The following PDE4D variants were observed in gnomAD, a reference collection of about 807,000 sequenced individuals.
PDE4D encodes 3',5'-cyclic-AMP phosphodiesterase 4D.
PDE4D carries 24 observed loss-of-function variants against 87.4 expected under a neutral mutation model. That is an observed-to-expected ratio of 0.27 (90% CI 0.20 to 0.39). The LOEUF (loss-of-function observed/expected upper bound fraction) is 0.39, where lower values mean the gene tolerates loss of function less well. Ranked by LOEUF, PDE4D falls within the 10% of genes least tolerant of loss-of-function variation. The pLI, the probability that PDE4D is intolerant of heterozygous loss-of-function variation, is 1.00. For missense variants in PDE4D, 714 were observed against 1,041.0 expected (o/e 0.69, Z 4.32); for synonymous variants, 384 against 383.2 (o/e 1.00, Z -0.02).
At chr5:59,401,853 C>T (rs1471054894) in intron 1 of PDE4D, among the ~76,000 whole-genome samples, 1 of 152,170 alleles carries the variant, frequency 6.6e-6, no homozygotes, top group African/African-American at 2.4e-5. Context: ...TTCTGACACA[C>T]CTGTCTTTCA....
In PDE4D at chr5:59,075,075, A is replaced by AACACACAC. The variant is rs70973189; in HGVS notation, c.809-36112_809-36105dup. 3.3e-3 allele frequency among the ~76,000 whole-genome samples: 429 copies of AACACACAC among 129,872 alleles called. 7 individuals carry two copies. Among genetic ancestry groups the AACACACAC allele is most frequent in the South Asian group, 0.012 (42 of 3,562 alleles). 85.2% of individuals were successfully genotyped at this position (129,872 alleles called of 152,430 possible). A position where few individuals can be genotyped will look rare whatever the true frequency, so the allele number is the denominator to read the frequency against. ...TTGAGAAGGAGTAAAAAGCTTACAA[A>AACACACAC]ACACACACACACACACACACACACA... On this transcript the variant is annotated intron_variant, in intron 5 of 14. Coordinates refer to ENST00000340635, the MANE Select transcript of PDE4D (RefSeq NM_001104631.2).
At chr5:59,765,071 T>A (rs556322298) in intron 1 of PDE4D, among the ~76,000 whole-genome samples, 1 of 152,330 alleles carries the variant, frequency 6.6e-6, no homozygotes, top group East Asian at 1.9e-4. Flanking sequence ...AGCATGGGTA[T>A]ACCAAAATGA....
At chr5:59,163,848 C>T (rs985474106) in intron 5 of PDE4D, among the ~76,000 whole-genome samples, 7 of 152,096 alleles carry the variant, frequency 4.6e-5, no homozygotes, top group African/African-American at 1.4e-4. Flanking sequence ...TTGGCATTGT[C>T]CCAGCATATT....
chr5:60,515,402 C>T (rs563782186), intron 1 of PDE4D, among the ~76,000 whole-genome samples: 2 of 152,132 alleles, frequency 1.3e-5, no homozygotes, highest in South Asian at 4.1e-4. Context: ...ATTTAGTCCC[C>T]CCATTAATTT....
At position 59,414,643 on chromosome 5, in the gene PDE4D, T is replaced by C. The variant is rs75883714; in HGVS notation, c.456-198675A>G. On this transcript the variant is annotated intron_variant, in intron 1 of 14. Coordinates refer to ENST00000340635, the MANE Select transcript of PDE4D (RefSeq NM_001104631.2). ...GGAATGCCAGACAAAGGAATGTCAT[T>C]CACTAGCTCATACAGAAAATGAGAA... 1.8e-4 allele frequency among the ~76,000 whole-genome samples: 27 copies of C among 152,334 alleles called. No individual in the cohort carries two copies. In the East Asian group the frequency reaches 5.0e-3, roughly 28 times the overall value.
chr5:59,414,347 G>C (rs143928671), intron 1 of PDE4D, among the ~76,000 whole-genome samples: 31 of 152,352 alleles, frequency 2.0e-4, no homozygotes, highest in Non-Finnish European at 4.1e-4. Context: ...TCCTGAATTT[G>C]AAACACAGTG....
chr5:59,559,493 C>T (rs977729774), intron 1 of PDE4D, among the ~76,000 whole-genome samples: 11 of 152,254 alleles, frequency 7.2e-5, no homozygotes, highest in Admixed American at 6.5e-4. Context: ...AAGTTTCATG[C>T]TGTTAACTTC....
chr5:60,056,418 C>CA (rs202124386), intron 2 of PDE4D, among the ~76,000 whole-genome samples: 74 of 150,160 alleles, frequency 4.9e-4, no homozygotes, highest in African/African-American at 1.6e-3. Context: ...GACAATCTGT[C>CA]AAAAAAAAAG....
intron 3 of PDE4D, among the ~76,000 whole-genome samples, chr5:59,920,872 AG>A (rs1315488840): frequency 3.7e-5 from 1 of 26,742 alleles, no homozygotes; most frequent in African/African-American, 1.4e-4. Context: ...TGGTGGGGGG[AG>A]GGGGGAGGGG....
rs1343191709 is a variant in PDE4D, at chr5:60,166,603, A to G, written c.42+18954T>C. Among the ~76,000 whole-genome samples the G allele has an allele frequency of 2.0e-5, 3 of 152,226 alleles. No individual in the cohort carries two copies. The East Asian group carries it at 5.8e-4, about 29-fold the overall frequency. ...CACCATTACAATATTAGAGTATTCTAAATTTGACTATGTACTTTTACCAAT... is the reference window on the plus strand; with the variant it reads ...CACCATTACAATATTAGAGTATTCTGAATTTGACTATGTACTTTTACCAAT... On this transcript the variant is annotated intron_variant, in intron 2 of 16. Coordinates refer to the PDE4D transcript ENST00000502484.
At chr5:59,071,029 C>G (rs1306422057) in intron 5 of PDE4D, among the ~76,000 whole-genome samples, 1 of 152,160 alleles carries the variant, frequency 6.6e-6, no homozygotes, top group African/African-American at 2.4e-5. Context: ...TTTTTAAAGG[C>G]TCGCACCTCA....
At chr5:59,897,106 T>C (rs974700804), upstream of PDE4D, among the ~76,000 whole-genome samples, 1 of 152,186 alleles carries the variant, frequency 6.6e-6, no homozygotes, top group African/African-American at 2.4e-5. Flanking sequence ...CACATCTATA[T>C]AAAAAGTAAA....
At chr5:59,841,822 A>T (rs1743046127) in intron 1 of PDE4D, among the ~76,000 whole-genome samples, 1 of 152,078 alleles carries the variant, frequency 6.6e-6, no homozygotes, top group Non-Finnish European at 1.5e-5. Context: ...CTCTAGGCAG[A>T]AAGAGATTGT....
At chr5:59,987,049 AT>A (rs1762520078) in intron 3 of PDE4D, 1 of 152,120 alleles carries the variant, frequency 6.6e-6, no homozygotes, top group Non-Finnish European at 1.5e-5. Context: ...TTTGCATTGA[AT>A]CCTTTTGCTA....
Position 59,587,389 on chromosome 5 carries a change from G to C in PDE4D, c.455+305779C>G, listed in dbSNP as rs1388770192. 11 of 920,734 alleles carry C rather than the reference G, an allele frequency of 1.2e-5. No individual in the cohort carries two copies. In the African/African-American group the frequency reaches 2.0e-4, roughly 16 times the overall value. 57.0% of individuals were successfully genotyped at this position (920,734 alleles called of 1,614,324 possible). On this transcript the variant is annotated intron_variant, in intron 1 of 14. Coordinates refer to ENST00000340635, the MANE Select transcript of PDE4D (RefSeq NM_001104631.2). ...TCACCCCAAATTCAGTTTTCCAATAGGTGTCATTTATTCTGATGCTCTGAC... is the reference window on the plus strand; with the variant it reads ...TCACCCCAAATTCAGTTTTCCAATACGTGTCATTTATTCTGATGCTCTGAC...
chr5:59,582,473 C>A (rs1348544976), intron 1 of PDE4D, among the ~76,000 whole-genome samples: 1 of 152,130 alleles, frequency 6.6e-6, no homozygotes, highest in Admixed American at 6.5e-5. Context: ...GCCATTCTGA[C>A]TTTCTCTGAA....
chr5:60,108,640 T>C (rs987964102), intron 2 of PDE4D, among the ~76,000 whole-genome samples: 3 of 152,142 alleles, frequency 2.0e-5, no homozygotes, highest in Admixed American at 2.0e-4. Context: ...CAAAACAGCA[T>C]GGTACTGGTA....
chr5:60,059,461 A>G (rs1048763533), intron 2 of PDE4D, among the ~76,000 whole-genome samples: 1 of 152,080 alleles, frequency 6.6e-6, no homozygotes. Flanking sequence ...CCCTAATGGT[A>G]GTAAGGAACT....
intron 1 of PDE4D, among the ~76,000 whole-genome samples, chr5:59,556,483 G>A (rs1267546142): frequency 6.6e-6 from 1 of 152,156 alleles, no homozygotes; most frequent in African/African-American, 2.4e-5. Flanking sequence ...ATTCTGCTTT[G>A]CTGTGAAGCA....
Sources: allele counts gnomAD v4.1 joint callset (sites outside exome capture counted in the v4.1 genomes callset), GRCh38; gene constraint gnomAD v4.1.1; transcripts MANE v1.5; gene names NCBI Gene and HGNC (gene_info 2026-07-23, HGNC 2026-07-21).